KIF7: variants seen among roughly 807,000 people sequenced by gnomAD.
KIF7 encodes kinesin family member 7.
KIF7 carries 104 observed loss-of-function variants against 135.7 expected under a neutral mutation model. That is an observed-to-expected ratio of 0.77 (90% confidence interval 0.65 to 0.90). KIF7 has a LOEUF of 0.90. Ranked by LOEUF, KIF7 falls within the 40% of genes least tolerant of loss-of-function variation. The pLI is 0.00. For synonymous variants in KIF7, 883 were observed against 809.4 expected (o/e 1.09, Z -1.54); for missense variants, 2,005 against 1,839.1 (o/e 1.09, Z -1.65).
intron 1 of KIF7, among the ~76,000 whole-genome samples, chr15:89,654,684 A>C (rs1042674878): frequency 2.0e-5 from 3 of 151,986 alleles, no homozygotes; most frequent in Non-Finnish European, 4.4e-5. Context: ...CGCCCAACAC[A>C]AGGTCCCACG....
intron 11 of KIF7, 137 bp downstream of exon 11, chr15:89,642,066 A>G: frequency 1.1e-6 from 1 of 887,992 alleles, no homozygotes; most frequent in Non-Finnish European, 1.7e-6. Context: ...TACCAGCCTC[A>G]CCCTGCAGGG....
rs1178907153 is a variant in KIF7 at position 89,632,973 on chromosome 15, C to G, written c.2742G>C (p.Trp914Cys). ...QQQKIEEQKK[W>C]LDQEMEKVLQ... ...GCACCTTCTCCATCTCCTGGTCCAG[C>G]CACTTCTTCTGCTCCTCAATCTTCT... is the stretch of plus-strand genomic sequence containing the variant. The change falls in exon 14 of 19, where the codon TGG (tryptophan) becomes TGC (cysteine). Residue 914 changes from tryptophan to cysteine, a missense_variant. Trp to Cys is a radical substitution (Grantham distance 215, BLOSUM62 -2). Transcript: ENST00000394412. The G allele has an allele frequency of 6.6e-7, 1 of 1,505,198 alleles. No homozygotes were observed. The highest frequency in any genetic ancestry group is 1.4e-5 in the African/African-American group (1 of 69,702). The allele number at this position is 1,505,198 out of a possible 1,614,324, so 93.2% of individuals were successfully genotyped here.
rs764052631 is a variant in KIF7, at chr15:89,647,634, C to A, written c.1522G>T (p.Ala508Ser). ...RLEEENRDFLAALEDAMEQYK... is the reference protein window; with the variant it reads ...RLEEENRDFLSALEDAMEQYK... ...TGCTCCATGGCGTCCTCCAGCGCAG[C>A]CAGAAAGTCTCGGTTCTCCTCCTCC... is the stretch of plus-strand genomic sequence containing the variant. The change falls in exon 6 of 19, where the codon GCT (alanine) becomes TCT (serine). Residue 508 changes from alanine (A) to serine (S), a missense_variant. Transcript: ENST00000394412. 8.7e-6 allele frequency: 14 copies of A among 1,612,020 alleles called. No homozygotes were observed. In the Middle Eastern group the frequency reaches 6.6e-4, roughly 76 times the overall value.
chr15:89,630,242 C>G (rs201335315), intron 16 of KIF7, 45 bp downstream of exon 16: 1 of 1,562,676 alleles, frequency 6.4e-7, no homozygotes, highest in Non-Finnish European at 8.8e-7. Context: ...CCTCCCCACA[C>G]GTGCCGCTGA....
At chr15:89,642,134 G>A in intron 11 of KIF7, 69 bp downstream of exon 11, 1 of 1,509,128 alleles carries the variant, frequency 6.6e-7, no homozygotes, top group Non-Finnish European at 9.1e-7. Flanking sequence ...CACATGTCCT[G>A]GTCCCAAGGA....
Position 89,649,377 on chromosome 15 carries a change from CAGA to C in KIF7, c.530-13_530-11del, listed in dbSNP as rs1324807219. The stretch of plus-strand genomic sequence containing the variant: ...TTCACCCCGCACAGCACTGCGGGCA[CAGA>C]AGGCCGTGAGCCCCAGGGCAGGGGC... On this transcript the variant is annotated splice_polypyrimidine_tract_variant and intron_variant, in intron 3 of 18. Coordinates refer to ENST00000394412, the MANE Select transcript of KIF7 (RefSeq NM_198525.3). 1 of 1,449,736 alleles carries C rather than the reference CAGA, an allele frequency of 6.9e-7. No homozygotes were observed. Among genetic ancestry groups the C allele is most frequent in the East Asian group, 2.5e-5 (1 of 39,982 alleles). 89.8% of individuals were successfully genotyped at this position (1,449,736 alleles called of 1,614,324 possible). A position where few individuals can be genotyped will look rare whatever the true frequency, so the allele number is the denominator to read the frequency against.
At position 89,630,372 on chromosome 15, in the gene KIF7, G is replaced by C. The variant is rs780698440; in HGVS notation, c.3233C>G (p.Ser1078Cys). ...RVLRASASLL[S>C]QCEMNLMAKL... ...GGCCATGAGGTTCATCTCGCACTGG[G>C]ACAGCAACGAGGCTGAGGCCCGAAG... The change falls in exon 16 of 19, where the codon TCC becomes TGC. Residue 1078 changes from serine (S) to cysteine (C), a missense_variant. Ser to Cys is a moderately radical substitution (Grantham distance 112). Transcript: ENST00000394412. 1 of 1,614,146 alleles carries C rather than the reference G, an allele frequency of 6.2e-7. No homozygotes were observed. The highest frequency in any genetic ancestry group is 8.5e-7 in the Non-Finnish European group (1 of 1,180,004).
intron 16 of KIF7, 88 bp from the exon 17 acceptor site, chr15:89,629,661 T>TTGCCACCACGGCACTTAG: frequency 6.4e-7 from 1 of 1,550,582 alleles, no homozygotes; most frequent in Non-Finnish European, 8.8e-7. Context: ...ATTGGCACAC[T>TTGCCACCACGGCACTTAG]TGCCACCACG....
chr15:89,627,342 A>G, downstream of KIF7: 1 of 434,220 alleles, frequency 2.3e-6, no homozygotes, highest in South Asian at 4.7e-5. Flanking sequence ...GGAGTCAGGA[A>G]CCCAGACAAG....
intron 1 of KIF7, among the ~76,000 whole-genome samples, chr15:89,621,140 C>T (rs1963418585): frequency 6.6e-6 from 1 of 152,134 alleles, no homozygotes; most frequent in Non-Finnish European, 1.5e-5. Context: ...CTGCCTCAGC[C>T]TCCTGAGTAG....
Position 89,628,713 on chromosome 15 carries a change from G to C in KIF7, c.3738C>G (p.Pro1246=), listed in dbSNP as rs144929293. 2.5e-4 allele frequency: 404 copies of C among 1,613,048 alleles called. 2 individuals are homozygous for C. The African/African-American group carries it at 4.7e-3, about 19-fold the overall frequency. The change falls in exon 19 of 19, where the codon CCC becomes CCG. Residue 1246 remains proline (P), a synonymous_variant. Coordinates refer to ENST00000394412, the MANE Select transcript of KIF7 (RefSeq NM_198525.3). ...PGNEDELHLA[P]ELLWLSPLTE... ...TGAGGGGGGACAGCCAGAGAAGCTC[G>C]GGTGCCAGGTGGAGCTCATCTTCAT... is the stretch of plus-strand genomic sequence containing the variant.
rs1234898726 is a variant in KIF7 at position 89,648,967 on chromosome 15, A to G, written c.923+7T>C. 6.5e-6 allele frequency: 10 copies of G among 1,529,062 alleles called. No individual in the cohort carries two copies. The highest frequency in any genetic ancestry group is 7.9e-6 in the Non-Finnish European group (9 of 1,136,044). The allele number at this position is 1,529,062 out of a possible 1,614,324, so 94.7% of individuals were successfully genotyped here. On this transcript the variant is annotated splice_region_variant and intron_variant, in intron 4 of 18. Coordinates refer to ENST00000394412, the MANE Select transcript of KIF7 (RefSeq NM_198525.3). ...CCAGGCCACATAGGAGCCAGGGGGC[A>G]GCTCACCGGGTGATCTTGGAGTCGC...
chr15:89,636,875 T>C (rs1273052146), intron 11 of KIF7, among the ~76,000 whole-genome samples: 1 of 149,652 alleles, frequency 6.7e-6, no homozygotes, highest in Non-Finnish European at 1.5e-5. Flanking sequence ...ACAGAATATA[T>C]ATTTTTTTCA....
chr15:89,643,098 T>G (rs1963951895), intron 10 of KIF7, among the ~76,000 whole-genome samples: 1 of 152,008 alleles, frequency 6.6e-6, no homozygotes, highest in Admixed American at 6.5e-5. Context: ...TTTGGGACAT[T>G]CAGCAGGATG....
chr15:89,633,998 G>A (rs1963746601), intron 11 of KIF7, 115 bp from the exon 12 acceptor site: 1 of 1,086,894 alleles, frequency 9.2e-7, no homozygotes, highest in Non-Finnish European at 1.4e-6. Flanking sequence ...GTGGGTGATA[G>A]ACCAATAATA....
chr15:89,654,423 C>T (rs1464177854), intron 1 of KIF7, among the ~76,000 whole-genome samples: 3 of 152,110 alleles, frequency 2.0e-5, no homozygotes, highest in Non-Finnish European at 2.9e-5. Context: ...CTCTCTCTGC[C>T]TGCAACGGCT....
chr15:89,624,678 C>T (rs757271602), downstream of KIF7: 6 of 1,613,980 alleles, frequency 3.7e-6, no homozygotes, highest in Admixed American at 6.7e-5. Flanking sequence ...CTCCTCTGCT[C>T]ATTACAAGTG....
Position 89,619,775 on chromosome 15 carries a change from C to G in KIF7, c.181-1580G>C. On this transcript the variant is annotated intron_variant and NMD_transcript_variant, in intron 1 of 2. Coordinates refer to the KIF7 transcript ENST00000558928. ...TTAGCAGGACACATTCTGCCTCCTT[C>G]TATTCTGTGTCTCAGCCGAAGTCTC... The G allele has an allele frequency of 4.3e-6, 7 of 1,614,018 alleles. No homozygotes were observed. Among genetic ancestry groups the G allele is most frequent in the African/African-American group, 1.3e-5 (1 of 75,040 alleles).
chr15:89,646,787 G>C (rs1190532433), intron 7 of KIF7, 43 bp downstream of exon 7: 1 of 1,586,966 alleles, frequency 6.3e-7, no homozygotes, highest in Non-Finnish European at 8.6e-7. Flanking sequence ...AACTTGACCA[G>C]TCCAGCAGGG....
Sources: allele counts gnomAD v4.1 joint callset (sites outside exome capture counted in the v4.1 genomes callset), GRCh38; gene constraint gnomAD v4.1.1; transcripts MANE v1.5; gene names NCBI Gene and HGNC (gene_info 2026-07-23, HGNC 2026-07-21).